The following PDXDC1 variants were observed in gnomAD, a reference collection of about 807,000 sequenced individuals.
PDXDC1 encodes pyridoxal dependent decarboxylase domain containing 1, also known as pyridoxal-dependent decarboxylase domain-containing protein 1.
A neutral mutation model predicts 100.1 loss-of-function variants in PDXDC1; 42 were observed. That is an observed-to-expected ratio of 0.42 (90% CI 0.33 to 0.54). The LOEUF is 0.54. Among genes scored for constraint, PDXDC1 ranks in the 20% least tolerant of loss-of-function variants. The pLI is 0.10. For synonymous variants in PDXDC1, 260 were observed against 371.7 expected (o/e 0.70, Z 3.46); for missense variants, 636 against 979.2 (o/e 0.65, Z 4.68).
At chr16:15,065,393 CA>C (rs779682981) in intron 16 of PDXDC1, 1 of 1,606,986 alleles carries the variant, frequency 6.2e-7, no homozygotes, top group Admixed American at 1.7e-5. Flanking sequence ...AAAAACAACA[CA>C]GACAGAGGCA....
chr16:15,069,558 G>C (rs1292464270), intron 16 of PDXDC1, among the ~76,000 whole-genome samples: 1 of 152,178 alleles, frequency 6.6e-6, no homozygotes, highest in East Asian at 1.9e-4. Flanking sequence ...CAAGGCTTCA[G>C]GCAGAGTTTA....
chr16:15,031,779 A>G lies in PDXDC1; in HGVS notation c.1444A>G (p.Ile482Val), dbSNP rs755873591. Reference sequence around the variant, plus strand: ...GGATGTGGATCAGCTCGTAGCCTGCATAGAAAGCAAACTGCCAGTGCTGTG... The same window carrying G: ...GGATGTGGATCAGCTCGTAGCCTGCGTAGAAAGCAAACTGCCAGTGCTGTG... Reference protein sequence around the residue: ...GEDVDQLVACIESKLPVLCCT... With the variant: ...GEDVDQLVACVESKLPVLCCT... The change falls in exon 17 of 23, where the codon ATA (isoleucine) becomes GTA (valine). Residue 482 changes from isoleucine to valine, a missense_variant. By Grantham distance (29) the Ile-to-Val change is conservative. Around this residue, in one of 4 missense-constraint regions of PDXDC1, gnomAD observed 452 missense variants for 402.9 expected, o/e 1.12. Transcript: ENST00000396410. The G allele has an allele frequency of 9.9e-6, 16 of 1,613,826 alleles. No homozygotes were observed. The highest frequency in any genetic ancestry group is 1.4e-5 in the Non-Finnish European group (16 of 1,179,898).
intron 19 of PDXDC1, 171 bp from the exon 20 acceptor site, chr16:15,034,113 CTA>C (rs2043242266): frequency 1.6e-6 from 1 of 616,384 alleles, no homozygotes; most frequent in Admixed American, 2.7e-5. Flanking sequence ...GCCTAGGCCT[CTA>C]TGAGCATGTT....
intron 16 of PDXDC1, chr16:15,135,182 G>C: frequency 1.2e-6 from 1 of 832,766 alleles, no homozygotes; most frequent in South Asian, 1.4e-5. Flanking sequence ...AGAGGGAAGA[G>C]CGCGCGGCCT....
chr16:15,047,432 T>C (rs762206403), intron 16 of PDXDC1: 3 of 1,526,880 alleles, frequency 2.0e-6, no homozygotes, highest in South Asian at 1.1e-5. Context: ...GAGAGCAGCG[T>C]AGATCTCACC....
intron 16 of PDXDC1, chr16:15,044,514 CA>C: frequency 1.3e-6 from 1 of 761,340 alleles, no homozygotes; most frequent in Non-Finnish European, 2.3e-6. Context: ...TGCTCTACAG[CA>C]GAGCTGCAGG....
intron 16 of PDXDC1, chr16:15,061,195 C>T (rs1170355002): frequency 6.6e-6 from 1 of 152,260 alleles, no homozygotes; most frequent in Non-Finnish European, 1.5e-5. Flanking sequence ...TCTCAGCTTT[C>T]CTTCTGTCTT....
chr16:15,016,729 T>C (rs1242908889), intron 9 of PDXDC1, among the ~76,000 whole-genome samples: 1 of 152,296 alleles, frequency 6.6e-6, no homozygotes, highest in African/African-American at 2.4e-5. Context: ...GATGGCGCCC[T>C]GGAAGGCTAT....
chr16:15,083,384 G>T, intron 16 of PDXDC1: 1 of 1,418,054 alleles, frequency 7.1e-7, no homozygotes, highest in Non-Finnish European at 9.5e-7. Context: ...GGGCGACAGA[G>T]TGAGACTCGG....
chr16:15,127,355 G>C, intron 16 of PDXDC1: 1 of 735,212 alleles, frequency 1.4e-6, no homozygotes, highest in Non-Finnish European at 2.4e-6. Flanking sequence ...TTCCCGAGCA[G>C]CCTTTGGTGG....
chr16:15,054,132 C>T (rs1240715159), intron 16 of PDXDC1, among the ~76,000 whole-genome samples: 1 of 152,204 alleles, frequency 6.6e-6, no homozygotes. Flanking sequence ...TCCTGCCCGC[C>T]GCGCCCCAGG....
chr16:15,038,381 A>C, downstream of PDXDC1: 1 of 619,346 alleles, frequency 1.6e-6, no homozygotes, highest in Non-Finnish European at 2.8e-6. Context: ...TGCTTTACCC[A>C]CACACATTTC....
chr16:15,086,379 T>G (rs764080357), intron 16 of PDXDC1: 1 of 1,613,654 alleles, frequency 6.2e-7, no homozygotes, highest in Non-Finnish European at 8.5e-7. Context: ...ATAATACTGA[T>G]AAGTTGCTCA....
intron 16 of PDXDC1, among the ~76,000 whole-genome samples, chr16:15,081,392 C>T (rs985442197): frequency 1.1e-4 from 16 of 152,162 alleles, no homozygotes; most frequent in African/African-American, 3.1e-4. Context: ...TTGTTACTGT[C>T]TTCTCGTTCT....
intron 16 of PDXDC1, among the ~76,000 whole-genome samples, chr16:15,062,686 G>T (rs1327967609): frequency 2.0e-5 from 3 of 147,830 alleles, no homozygotes; most frequent in African/African-American, 7.3e-5. Context: ...GTAAGAATGC[G>T]CAAGTGGCAA....
chr16:15,027,514 G>A (rs975280795), intron 14 of PDXDC1, among the ~76,000 whole-genome samples: 14 of 152,280 alleles, frequency 9.2e-5, no homozygotes, highest in Non-Finnish European at 1.6e-4. Context: ...TTGGTGTACC[G>A]GAAGAATGGG....
chr16:15,101,823 G>C (rs969987612), intron 16 of PDXDC1, among the ~76,000 whole-genome samples: 12 of 150,808 alleles, frequency 8.0e-5, no homozygotes, highest in African/African-American at 2.9e-4. Flanking sequence ...CTATAGGCAT[G>C]TGCCATCATG....
intron 16 of PDXDC1, among the ~76,000 whole-genome samples, chr16:15,091,972 T>C (rs1475508903): frequency 6.6e-6 from 1 of 151,972 alleles, no homozygotes; most frequent in African/African-American, 2.4e-5. Flanking sequence ...AGGTCAGGAG[T>C]TCGAGACCAG....
downstream of PDXDC1, among the ~76,000 whole-genome samples, chr16:15,040,829 A>G (rs1240430615): frequency 1.3e-5 from 2 of 152,040 alleles, no homozygotes; most frequent in Admixed American, 6.6e-5. Flanking sequence ...TGTCCTTTCT[A>G]TTTGCTACCA....
Sources: gnomAD v4.1 joint callset for allele counts (sites outside exome capture counted in the v4.1 genomes callset) on GRCh38, gnomAD v4.1.1 for gene constraint, gnomAD v4.1.1 regional missense constraint, MANE v1.5 for transcripts, NCBI Gene and HGNC (gene_info 2026-07-23, HGNC 2026-07-21) for gene names.